Variants in NELL1 observed in about 807,000 individuals in gnomAD.
NELL1 encodes neural EGFL like 1.
NELL1 carries 76 observed loss-of-function variants against 107.4 expected under a neutral mutation model. The observed-to-expected ratio is 0.71, with a 90% CI of 0.59 to 0.86. NELL1 has a LOEUF of 0.86. Ranked by LOEUF, NELL1 falls within the 40% of genes least tolerant of loss-of-function variation. NELL1 has a pLI of 0.00. For synonymous variants in NELL1, 353 were observed against 341.2 expected (o/e 1.03, Z -0.38); for missense variants, 1,024 against 1,005.5 (o/e 1.02, Z -0.25).
At chr11:21,288,746 T>G (rs1397105763) in intron 14 of NELL1, among the ~76,000 whole-genome samples, 9 of 152,228 alleles carry the variant, frequency 5.9e-5, no homozygotes. Flanking sequence ...CCAGCAATTA[T>G]TTGTCATGAT....
intron 15 of NELL1, among the ~76,000 whole-genome samples, chr11:21,511,032 T>C (rs1285487628): frequency 1.3e-5 from 2 of 152,184 alleles, no homozygotes; most frequent in East Asian, 3.9e-4. Flanking sequence ...TCTCCTCATC[T>C]GTAAAATAAG....
chr11:21,327,167 T>G (rs1031761181), intron 14 of NELL1, among the ~76,000 whole-genome samples: 4 of 134,662 alleles, frequency 3.0e-5, no homozygotes, highest in African/African-American at 5.5e-5. Flanking sequence ...CTGATGTTTT[T>G]TTTTTTTTTT....
intron 14 of NELL1, among the ~76,000 whole-genome samples, chr11:21,277,688 G>A (rs191245262): frequency 6.6e-5 from 10 of 152,312 alleles, no homozygotes; most frequent in Non-Finnish European, 1.5e-5. Flanking sequence ...AGAAAATGTG[G>A]CACGTATATA....
chr11:21,522,638 C>T (rs1365216372), intron 15 of NELL1, among the ~76,000 whole-genome samples: 2 of 151,968 alleles, frequency 1.3e-5, no homozygotes, highest in African/African-American at 2.4e-5. Flanking sequence ...GATGGACACA[C>T]GAGAAGCCCT....
In NELL1 at chr11:21,451,194, A is replaced by G. The variant is rs1031260326; in HGVS notation, c.1645+80246A>G. Reference sequence around the variant, plus strand: ...AGAGATAGACTCCGTCTAAAAAAAAAAAAAAAAAGAAAAAAAAAAGAAAAA... The same window carrying G: ...AGAGATAGACTCCGTCTAAAAAAAAGAAAAAAAAGAAAAAAAAAAGAAAAA... On this transcript the variant is annotated intron_variant, in intron 15 of 19. Coordinates refer to ENST00000357134, the MANE Select transcript of NELL1 (RefSeq NM_006157.5). 2.9e-5 allele frequency among the ~76,000 whole-genome samples: 4 copies of G among 139,770 alleles called. No individual in the cohort carries two copies. In the East Asian group the frequency reaches 6.0e-4, roughly 21 times the overall value. 91.7% of individuals were successfully genotyped at this position (139,770 alleles called of 152,430 possible).
At chr11:21,101,335 A>G (rs1311801929) in intron 12 of NELL1, among the ~76,000 whole-genome samples, 2 of 152,264 alleles carry the variant, frequency 1.3e-5, no homozygotes, top group East Asian at 3.9e-4. Context: ...ATGATTTATA[A>G]TCCTTTGGGT....
chr11:20,885,426 T>C lies in NELL1; in HGVS notation c.507-18T>C. The C allele has an allele frequency of 1.3e-6, 2 of 1,510,430 alleles. No homozygotes were observed. Among genetic ancestry groups the C allele is most frequent in the Non-Finnish European group, 1.8e-6 (2 of 1,085,550 alleles). 93.6% of individuals were successfully genotyped at this position (1,510,430 alleles called of 1,614,324 possible). A position where few individuals can be genotyped will look rare whatever the true frequency, so the allele number is the denominator to read the frequency against. ...CTTTGAGCCTCTCTATTAGTAACTG[T>C]GTTCTTTGCCTTTACAGGATTTATG... On this transcript the variant is annotated intron_variant, in intron 4 of 19. Coordinates refer to ENST00000357134, the MANE Select transcript of NELL1 (RefSeq NM_006157.5).
intron 12 of NELL1, among the ~76,000 whole-genome samples, chr11:21,014,700 G>T (rs1319917157): frequency 6.6e-6 from 1 of 152,078 alleles, no homozygotes; most frequent in Non-Finnish European, 1.5e-5. Flanking sequence ...GTCTAACATG[G>T]TGCTATGTTA....
At chr11:20,930,804 G>A in intron 9 of NELL1, among the ~76,000 whole-genome samples, 1 of 131,200 alleles carries the variant, frequency 7.6e-6, no homozygotes, top group South Asian at 2.6e-4. Context: ...TAAAACATCA[G>A]TTTTTTTTTT....
intron 4 of NELL1, among the ~76,000 whole-genome samples, chr11:20,870,060 T>A (rs747956428): frequency 1.3e-5 from 2 of 152,176 alleles, no homozygotes; most frequent in Non-Finnish European, 2.9e-5. Flanking sequence ...CTTATGCCTG[T>A]TTATGTTTGT....
chr11:21,279,743 T>C (rs1848950259), intron 14 of NELL1, among the ~76,000 whole-genome samples: 1 of 152,208 alleles, frequency 6.6e-6, no homozygotes, highest in Non-Finnish European at 1.5e-5. Flanking sequence ...TTGTAAACTC[T>C]GTCCTCACCA....
intron 15 of NELL1, among the ~76,000 whole-genome samples, chr11:21,459,431 A>ATATG (rs1377284136): frequency 4.0e-5 from 6 of 151,876 alleles, no homozygotes; most frequent in Non-Finnish European, 7.4e-5. Context: ...TCTAAGTTTA[A>ATATG]TATGGAACAT....
intron 16 of NELL1, among the ~76,000 whole-genome samples, chr11:21,539,795 A>G (rs2133976978): frequency 1.3e-5 from 2 of 151,738 alleles, no homozygotes. Context: ...GTGGGCCAAA[A>G]GGCAACTTTT....
intron 3 of NELL1, among the ~76,000 whole-genome samples, chr11:20,790,389 T>C (rs974867729): frequency 7.9e-5 from 12 of 152,246 alleles, no homozygotes; most frequent in Non-Finnish European, 4.4e-5. Flanking sequence ...GCTGTGACAG[T>C]GCCGGAACTC....
intron 15 of NELL1, among the ~76,000 whole-genome samples, chr11:21,532,425 G>A (rs1161069940): frequency 1.3e-5 from 2 of 152,166 alleles, no homozygotes; most frequent in East Asian, 1.9e-4. Flanking sequence ...TAGGGCTGAA[G>A]GAGTTACTTT....
chr11:21,288,829 A>C (rs1849188146), intron 14 of NELL1, among the ~76,000 whole-genome samples: 1 of 152,106 alleles, frequency 6.6e-6, no homozygotes, highest in African/African-American at 2.4e-5. Flanking sequence ...CCTCATTCAC[A>C]TGGCTGGCAG....
chr11:21,552,157 G>C (rs1356751936), intron 16 of NELL1, among the ~76,000 whole-genome samples: 1 of 121,914 alleles, frequency 8.2e-6, no homozygotes, highest in Non-Finnish European at 1.7e-5. Flanking sequence ...GGAGGGGGGA[G>C]GGATAGCATT....
intron 1 of NELL1, chr11:20,674,486 C>A: frequency 6.5e-7 from 1 of 1,535,870 alleles, no homozygotes; most frequent in Non-Finnish European, 8.7e-7. Flanking sequence ...AAATTTCCTA[C>A]AGCAGAAGAT....
intron 15 of NELL1, among the ~76,000 whole-genome samples, chr11:21,506,090 C>T (rs765609778): frequency 5.9e-5 from 9 of 152,120 alleles, no homozygotes; most frequent in South Asian, 2.1e-4. Flanking sequence ...TTGTTAAAAA[C>T]GCATTTTCAC....
Sources: allele counts gnomAD v4.1 joint callset (sites outside exome capture counted in the v4.1 genomes callset), GRCh38; gene constraint gnomAD v4.1.1; transcripts MANE v1.5; gene names NCBI Gene and HGNC (gene_info 2026-07-23, HGNC 2026-07-21).